MAL: variants seen among roughly 807,000 people sequenced by gnomAD.
MAL encodes the protein mal, T cell differentiation protein (MAL blood group), also known as myelin and lymphocyte protein.
MAL carries 5 observed loss-of-function variants against 16.7 expected under a neutral mutation model. That is an observed-to-expected ratio of 0.30 (90% CI 0.16 to 0.63). The LOEUF is 0.63. Among genes scored for constraint, MAL ranks in the 30% least tolerant of loss-of-function variants. The pLI, the probability that MAL is intolerant of heterozygous loss-of-function variation, is 0.82. For synonymous variants in MAL, 96 were observed against 85.5 expected, an observed-to-expected ratio of 1.12 and a Z score of -0.67; for missense variants, 202 against 195.8, an observed-to-expected ratio of 1.03 and a Z score of -0.19.
At chr2:95,027,718 G>GTTTTTA (rs1673976819) in intron 1 of MAL, among the ~76,000 whole-genome samples, 1 of 152,170 alleles carries the variant, frequency 6.6e-6, no homozygotes, top group East Asian at 1.9e-4. Flanking sequence ...TTTTGTTTTT[G>GTTTTTA]TTTTTGCTTT....
At chr2:95,031,434 T>C (rs145099440) in intron 1 of MAL, among the ~76,000 whole-genome samples, 34 of 152,300 alleles carry the variant, frequency 2.2e-4, no homozygotes, top group Non-Finnish European at 4.3e-4. Flanking sequence ...CCAGGGCAGG[T>C]TGAAGAACCC....
At chr2:95,038,545 T>TAG (rs1674324514) in intron 1 of MAL, among the ~76,000 whole-genome samples, 1 of 149,772 alleles carries the variant, frequency 6.7e-6, no homozygotes. Flanking sequence ...AGTGACTGAG[T>TAG]GACTGAGTGA....
chr2:95,041,144 C>T (rs550555752), intron 1 of MAL, among the ~76,000 whole-genome samples: 4 of 152,248 alleles, frequency 2.6e-5, no homozygotes, highest in Non-Finnish European at 5.9e-5. Flanking sequence ...AGCCCTGCAG[C>T]GGAAACACTG....
At chr2:95,031,711 A>G (rs986611290) in intron 1 of MAL, among the ~76,000 whole-genome samples, 13 of 152,164 alleles carry the variant, frequency 8.5e-5, no homozygotes, top group African/African-American at 2.9e-4. Context: ...CCAGAATGGG[A>G]TGGTGGCTGA....
chr2:95,039,163 GGTGA>G (rs1674364333), intron 1 of MAL, among the ~76,000 whole-genome samples: 1 of 73,308 alleles, frequency 1.4e-5, no homozygotes, highest in Admixed American at 1.5e-4. Context: ...TGACTGAATG[GGTGA>G]GTGAGTGACT....
chr2:95,030,951 G>A (rs148545146), intron 1 of MAL, among the ~76,000 whole-genome samples: 3 of 152,334 alleles, frequency 2.0e-5, no homozygotes, highest in African/African-American at 7.2e-5. Context: ...TACCTGGCTG[G>A]GGAATAGCCA....
intron 1 of MAL, among the ~76,000 whole-genome samples, chr2:95,035,757 CCTCCTGGGCTCACGCCATT>C (rs1483935476): frequency 6.6e-6 from 1 of 151,360 alleles, no homozygotes; most frequent in African/African-American, 2.4e-5. Context: ...GCAACCTCTG[CCTCCTGGGCTCACGCCATT>C]CTCCTGCCTC....
chr2:95,029,191 T>C (rs1422819829), intron 1 of MAL, among the ~76,000 whole-genome samples: 1 of 152,228 alleles, frequency 6.6e-6, no homozygotes, highest in African/African-American at 2.4e-5. Context: ...CTGTTATGTA[T>C]TAAGGAAATG....
intron 1 of MAL, among the ~76,000 whole-genome samples, chr2:95,038,402 A>G (rs1380306915): frequency 4.7e-4 from 29 of 62,236 alleles, no homozygotes; most frequent in East Asian, 1.2e-3. Context: ...GTGAGTGAGC[A>G]AGTGAGTGAG....
At chr2:95,031,333 A>G (rs1412757770) in intron 1 of MAL, among the ~76,000 whole-genome samples, 1 of 152,126 alleles carries the variant, frequency 6.6e-6, no homozygotes, top group Non-Finnish European at 1.5e-5. Context: ...CCCAACAGGA[A>G]TGAAGGGACA....
chr2:95,027,124 A>AACCCTGG (rs1341920944), intron 1 of MAL, among the ~76,000 whole-genome samples: 1 of 152,142 alleles, frequency 6.6e-6, no homozygotes, highest in Non-Finnish European at 1.5e-5. Flanking sequence ...GACGCCAATG[A>AACCCTGG]ACGCAGCCCC....
At chr2:95,043,973 G>A (rs972753608) in intron 1 of MAL, among the ~76,000 whole-genome samples, 12 of 152,220 alleles carry the variant, frequency 7.9e-5, no homozygotes, top group Non-Finnish European at 1.6e-4. Flanking sequence ...GCGTCCCTAG[G>A]AACGTGGTTC....
chr2:95,047,653 A>C (rs540314468), intron 1 of MAL, among the ~76,000 whole-genome samples: 36 of 152,202 alleles, frequency 2.4e-4, no homozygotes, highest in Non-Finnish European at 4.1e-4. Flanking sequence ...CCCAGGAGGC[A>C]GAGGTTGCAG....
At chr2:95,028,436 A>G (rs1673999938) in intron 1 of MAL, among the ~76,000 whole-genome samples, 1 of 152,232 alleles carries the variant, frequency 6.6e-6, no homozygotes, top group Non-Finnish European at 1.5e-5. Flanking sequence ...GAAAACATCA[A>G]GTATTGGATG....
At position 95,025,971 on chromosome 2, in the gene MAL, C is replaced by G; in HGVS notation, c.93+86C>G. 1 of 1,189,300 alleles carries G rather than the reference C, an allele frequency of 8.4e-7. No homozygotes were observed. The highest frequency in any genetic ancestry group is 1.5e-5 in the South Asian group (1 of 66,260). The allele number at this position is 1,189,300 out of a possible 1,614,324, so 73.7% of individuals were successfully genotyped here. A position where few individuals can be genotyped will look rare whatever the true frequency, so the allele number is the denominator to read the frequency against. ...CCCAGCACAGCTGTCGGACGGGATC[C>G]GCTAGCTGCGCAGGTTCTGGGAGCA... On this transcript the variant is annotated intron_variant, in intron 1 of 3. Coordinates refer to ENST00000309988, the MANE Select transcript of MAL (RefSeq NM_002371.4). This position sits in a 1 kb window ranked among gnomAD's most constrained non-coding sequence, Gnocchi z 5.6.
At position 95,047,970 on chromosome 2, in the gene MAL, C is replaced by G; in HGVS notation, c.105C>G (p.Gly35=). The G allele has an allele frequency of 6.2e-7, 1 of 1,613,758 alleles. No individual in the cohort carries two copies. Among genetic ancestry groups the G allele is most frequent in the Non-Finnish European group, 8.5e-7 (1 of 1,179,852 alleles). ...CTCCTCCCCCGCAGATCTTCGGGGG[C>G]CTGGTGTGGATCCTGGTGGCCTCCT... is the stretch of plus-strand genomic sequence containing the variant. ...LLFIFEFIFG[G]LVWILVASSL... The change falls in exon 2 of 4, where the codon GGC becomes GGG. Residue 35 remains glycine, a synonymous_variant. Transcript: ENST00000309988.
chr2:95,038,612 CTGAGTGAG>C (rs199918011), intron 1 of MAL, among the ~76,000 whole-genome samples: 1 of 68,332 alleles, frequency 1.5e-5, no homozygotes, highest in South Asian at 4.7e-4. Flanking sequence ...GGGTGAGTGA[CTGAGTGAG>C]TGAGTGAGTG....
chr2:95,039,510 G>C (rs1674386476), intron 1 of MAL, among the ~76,000 whole-genome samples: 1 of 151,652 alleles, frequency 6.6e-6, no homozygotes, highest in South Asian at 2.1e-4. Flanking sequence ...GTGAGTGACT[G>C]AGTGAGTGAC....
intron 3 of MAL, 99 bp downstream of exon 3, chr2:95,049,805 A>G: frequency 6.6e-7 from 1 of 1,519,262 alleles, no homozygotes; most frequent in Non-Finnish European, 8.9e-7. Context: ...TTTTCAGTTC[A>G]CTAACTTTTG....
Sources: gnomAD v4.1 joint callset for allele counts (sites outside exome capture counted in the v4.1 genomes callset) on GRCh38, gnomAD v4.1.1 for gene constraint, Gnocchi (gnomAD v3.1) non-coding constraint, MANE v1.5 for transcripts, NCBI Gene and HGNC (gene_info 2026-07-23, HGNC 2026-07-21) for gene names.